MYBPC1: variants seen among roughly 807,000 people sequenced by gnomAD.
MYBPC1 encodes the protein myosin-binding protein C, slow-type.
MYBPC1 carries 52 observed loss-of-function variants against 147.1 expected under a neutral mutation model. The observed-to-expected ratio is 0.35, with a 90% confidence interval of 0.28 to 0.45. MYBPC1 has a LOEUF of 0.45. Among genes scored for constraint, MYBPC1 ranks in the 20% least tolerant of loss-of-function variants. The pLI is 1.00. For synonymous variants in MYBPC1, 477 were observed against 475.9 expected (o/e 1.00, Z -0.03); for missense variants, 1,228 against 1,440.3 (o/e 0.85, Z 2.39).
chr12:101,624,138 A>G (rs1888028782), intron 3 of MYBPC1, among the ~76,000 whole-genome samples: 1 of 152,216 alleles, frequency 6.6e-6, no homozygotes, highest in African/African-American at 2.4e-5. Context: ...GCATTTTTCA[A>G]GCTTCTTTGA....
chr12:101,662,417 C>A lies in MYBPC1; in HGVS notation c.2092C>A (p.Leu698Ile), dbSNP rs1447491102. 6.2e-7 allele frequency: 1 copy of A among 1,614,208 alleles called. No homozygotes were observed. The change falls in exon 21 of 32, where the codon CTC becomes ATC. Residue 698 changes from leucine (L) to isoleucine (I), a missense_variant. Coordinates refer to ENST00000361466, the MANE Select transcript of MYBPC1 (RefSeq NM_002465.4). ...CAGGTGGATGAGGCTGAATTTTGATCTCTGCAAAGAAACAACTTTTGAGCC... is the reference window on the plus strand; with the variant it reads ...CAGGTGGATGAGGCTGAATTTTGATATCTGCAAAGAAACAACTTTTGAGCC... ...SSRWMRLNFD[L>I]CKETTFEPKK...
At chr12:101,693,950 C>T in the MYBPC1 span, among the ~76,000 whole-genome samples, 2 of 152,124 alleles carry the variant, frequency 1.3e-5, no homozygotes, top group Non-Finnish European at 2.9e-5. Flanking sequence ...TCTCTTTTTC[C>T]CCTTCCTATT....
intron 1 of MYBPC1, chr12:101,600,287 C>T (rs1254236228): frequency 6.6e-6 from 1 of 151,802 alleles, no homozygotes; most frequent in African/African-American, 2.4e-5. Context: ...GGCCATGAGA[C>T]ACAGCCTTGA....
At chr12:101,676,421 A>C (rs1001239632) in intron 26 of MYBPC1, among the ~76,000 whole-genome samples, 3 of 152,112 alleles carry the variant, frequency 2.0e-5, no homozygotes, top group Non-Finnish European at 2.9e-5. Context: ...CCAGGATGAC[A>C]GAACAAGACT....
At chr12:101,673,227 GT>G (rs1487203376) in intron 24 of MYBPC1, among the ~76,000 whole-genome samples, 199 bp from the exon 25 acceptor site, 1 of 152,188 alleles carries the variant, frequency 6.6e-6, no homozygotes, top group Non-Finnish European at 1.5e-5. Flanking sequence ...AATAATCAAT[GT>G]TATGTACCTA....
intron 31 of MYBPC1, 94 bp downstream of exon 31, chr12:101,684,518 C>G (rs962425022): frequency 3.2e-6 from 3 of 949,498 alleles, no homozygotes; most frequent in Non-Finnish European, 4.9e-6. Context: ...TTACATAATC[C>G]AATGAAAATA....
At chr12:101,642,650 G>C in intron 11 of MYBPC1, 65 bp downstream of exon 11, 2 of 1,534,604 alleles carry the variant, frequency 1.3e-6, no homozygotes, top group African/African-American at 2.7e-5. Flanking sequence ...CCTTGACCGT[G>C]AACCCCATCC....
At chr12:101,686,642 C>T (rs1252591011), downstream of MYBPC1, among the ~76,000 whole-genome samples, 1 of 152,164 alleles carries the variant, frequency 6.6e-6, no homozygotes, top group Non-Finnish European at 1.5e-5. Context: ...CCTCGCCTCC[C>T]CTCTGTTTTT....
chr12:101,638,316 A>G (rs917937785), intron 10 of MYBPC1, among the ~76,000 whole-genome samples: 2 of 152,226 alleles, frequency 1.3e-5, no homozygotes, highest in Non-Finnish European at 2.9e-5. Flanking sequence ...GCACATAGAA[A>G]AGGATAGATA....
intron 3 of MYBPC1, among the ~76,000 whole-genome samples, chr12:101,625,812 G>A (rs753857430): frequency 1.3e-5 from 2 of 152,032 alleles, no homozygotes; most frequent in African/African-American, 4.8e-5. Flanking sequence ...TCTGCCAGGC[G>A]CGGTGGCTCA....
chr12:101,614,739 G>A, intron 2 of MYBPC1: 1 of 612,242 alleles, frequency 1.6e-6, no homozygotes. Flanking sequence ...TAATTTGGAT[G>A]GCACTTCATA....
In MYBPC1 at chr12:101,646,695, G is replaced by T. The variant is rs147078766; in HGVS notation, c.966-68G>T. The stretch of plus-strand genomic sequence containing the variant: ...CACTACCAAATTATAAGCCAAATTT[G>T]CTGGCAATAAAGAAAAGAATAAAAT... On this transcript the variant is annotated intron_variant, in intron 12 of 31. Transcript: ENST00000361466. The T allele has an allele frequency of 4.7e-4, 735 of 1,564,386 alleles. 9 individuals carry two copies. The African/African-American group carries it at 9.1e-3, about 19-fold the overall frequency.
intron 3 of MYBPC1, 169 bp from the exon 4 acceptor site, chr12:101,626,702 GC>G: frequency 1.5e-6 from 1 of 662,716 alleles, no homozygotes; most frequent in Non-Finnish European, 2.7e-6. Flanking sequence ...TTCTTTCTTT[GC>G]CTGAAAAACT....
intron 9 of MYBPC1, among the ~76,000 whole-genome samples, chr12:101,635,476 A>C (rs61935678): frequency 0.086 from 12,263 of 141,794 alleles, 624 homozygotes; most frequent in Non-Finnish European, 0.13. Flanking sequence ...AATTACTTTG[A>C]AAAGTTATTT....
chr12:101,686,598 G>C (rs1461530018), downstream of MYBPC1, among the ~76,000 whole-genome samples: 1 of 152,142 alleles, frequency 6.6e-6, no homozygotes, highest in African/African-American at 2.4e-5. Flanking sequence ...GAGTAGAATC[G>C]AACTGTAAGG....
intron 22 of MYBPC1, 42 bp downstream of exon 22, chr12:101,663,602 G>A: frequency 6.3e-7 from 1 of 1,596,972 alleles, no homozygotes; most frequent in Non-Finnish European, 8.6e-7. Flanking sequence ...GTCATCAATA[G>A]GTGAGATATG....
In MYBPC1 at chr12:101,607,924, G is replaced by A. The variant is rs547797935; in HGVS notation, c.26-6572G>A. Among the ~76,000 whole-genome samples, 4 of 152,264 alleles carry A rather than the reference G, an allele frequency of 2.6e-5. No homozygotes were observed. The East Asian group carries it at 7.7e-4, about 29-fold the overall frequency. On this transcript the variant is annotated intron_variant, in intron 1 of 31. Transcript: ENST00000361466. Reference sequence around the variant, plus strand: ...ACCCTTGATCATTGAAAATAGAAATGGACTCCATTGGAGAGGGCCAAGCCA... The same window carrying A: ...ACCCTTGATCATTGAAAATAGAAATAGACTCCATTGGAGAGGGCCAAGCCA...
intron 3 of MYBPC1, among the ~76,000 whole-genome samples, chr12:101,618,647 T>G (rs186570628): frequency 1.7e-4 from 26 of 152,276 alleles, no homozygotes; most frequent in Admixed American, 5.9e-4. Flanking sequence ...AGTCACCATA[T>G]TATACTTGTA....
At chr12:101,605,089 C>T (rs919322796) in intron 1 of MYBPC1, among the ~76,000 whole-genome samples, 10 of 152,158 alleles carry the variant, frequency 6.6e-5, no homozygotes, top group African/African-American at 1.4e-4. Context: ...GTGCCTGGAA[C>T]GTAGGAGCTT....
Sources: gnomAD v4.1 joint callset for allele counts (sites outside exome capture counted in the v4.1 genomes callset) on GRCh38, gnomAD v4.1.1 for gene constraint, MANE v1.5 for transcripts, NCBI Gene and HGNC (gene_info 2026-07-23, HGNC 2026-07-21) for gene names.